Variants in XPNPEP3 observed in about 807,000 individuals in gnomAD.
XPNPEP3 encodes the protein xaa-Pro aminopeptidase 3.
In XPNPEP3, 41 loss-of-function variants were observed where a neutral mutation model predicts 60.0. That is an observed-to-expected ratio of 0.68 (90% confidence interval 0.53 to 0.89). The LOEUF is 0.89. Ranked by LOEUF, XPNPEP3 falls within the 40% of genes least tolerant of loss-of-function variation. The pLI, the probability that XPNPEP3 is intolerant of heterozygous loss-of-function variation, is 0.00. For synonymous variants in XPNPEP3, 212 were observed against 223.2 expected, an observed-to-expected ratio of 0.95 and a Z score of 0.45; for missense variants, 598 against 638.9, an observed-to-expected ratio of 0.94 and a Z score of 0.69.
Position 40,923,859 on chromosome 22 carries a change from A to G in XPNPEP3, c.1237-503A>G, listed in dbSNP as rs181985401. On this transcript the variant is annotated intron_variant, in intron 8 of 9. Transcript: ENST00000357137. Reference sequence around the variant, plus strand: ...AGAGCAAGACTCCATCTCAAAAAAAAAGAAAGAAATACCCAAGCTGGTAGG... The same window carrying G: ...AGAGCAAGACTCCATCTCAAAAAAAGAGAAAGAAATACCCAAGCTGGTAGG... 5.1e-4 allele frequency among the ~76,000 whole-genome samples: 77 copies of G among 152,180 alleles called. 1 individual carries two copies. The East Asian group carries it at 0.011, about 23-fold the overall frequency.
chr22:40,871,816 C>T (rs1239445776), intron 2 of XPNPEP3, among the ~76,000 whole-genome samples: 1 of 151,996 alleles, frequency 6.6e-6, no homozygotes, highest in African/African-American at 2.4e-5. Flanking sequence ...GGATGGATCA[C>T]GAGGTCAGGA....
chr22:40,885,036 A>AG (rs1569021062), intron 3 of XPNPEP3, among the ~76,000 whole-genome samples: 1 of 152,110 alleles, frequency 6.6e-6, no homozygotes, highest in African/African-American at 2.4e-5. Context: ...TCAAAAAAAA[A>AG]AAAAATTACA....
intron 7 of XPNPEP3, among the ~76,000 whole-genome samples, chr22:40,918,640 C>T (rs564438135): frequency 6.6e-6 from 1 of 151,752 alleles, no homozygotes; most frequent in South Asian, 2.1e-4. Flanking sequence ...GCCGAGATCA[C>T]ACCACTGTAC....
chr22:40,924,426 C>G lies in XPNPEP3; in HGVS notation c.1301C>G (p.Pro434Arg), dbSNP rs776244371. 1.2e-6 allele frequency: 2 copies of G among 1,614,184 alleles called. No individual in the cohort carries two copies. The highest frequency in any genetic ancestry group is 8.5e-7 in the Non-Finnish European group (1 of 1,180,036). The change falls in exon 9 of 10, where the codon CCA (proline) becomes CGA (arginine). Residue 434 changes from proline (P) to arginine (R), a missense_variant. Transcript: ENST00000357137. ...HYLGMDVHDT[P>R]DMPRSLPLQP... Reference sequence around the variant, plus strand: ...CTCGGGATGGATGTCCATGACACTCCAGACATGCCCCGTTCCCTCCCTCTG... The same window carrying G: ...CTCGGGATGGATGTCCATGACACTCGAGACATGCCCCGTTCCCTCCCTCTG...
At chr22:40,876,801 C>A (rs1377449750) in intron 2 of XPNPEP3, among the ~76,000 whole-genome samples, 2 of 152,180 alleles carry the variant, frequency 1.3e-5, no homozygotes, top group Non-Finnish European at 2.9e-5. Context: ...TTTCTCCTTA[C>A]ATTTTTTATA....
intron 4 of XPNPEP3, among the ~76,000 whole-genome samples, chr22:40,901,096 TAAA>T (rs1279544140): frequency 6.6e-6 from 1 of 150,818 alleles, no homozygotes; most frequent in African/African-American, 2.4e-5. Flanking sequence ...CTCTTTTTAT[TAAA>T]AAAAAAGAAT....
chr22:40,861,278 C>T (rs1453175502), intron 1 of XPNPEP3: 2 of 1,613,986 alleles, frequency 1.2e-6, no homozygotes, highest in African/African-American at 2.7e-5. Context: ...ACTGTGTTCT[C>T]CAGCTGCATT....
rs184879323 is a variant in XPNPEP3, at chr22:40,928,583, G to A, written c.*2148G>A. ...TCAGTTTGCAAGATGAACAGGGCTA[G>A]ATTACCACAGATAGCTTATTTAGGA... On this transcript the variant is annotated 3_prime_UTR_variant, in exon 10 of 10. Coordinates refer to ENST00000357137, the MANE Select transcript of XPNPEP3 (RefSeq NM_022098.4). 1 of 152,306 alleles carries A rather than the reference G, an allele frequency of 6.6e-6. No individual in the cohort carries two copies. Among genetic ancestry groups the A allele is most frequent in the East Asian group, 1.9e-4 (1 of 5,184 alleles). The allele number at this position is 152,306 out of a possible 1,614,324, so 9.4% of individuals were successfully genotyped here. A position where few individuals can be genotyped will look rare whatever the true frequency, so the allele number is the denominator to read the frequency against.
Position 40,907,648 on chromosome 22 carries a change from A to G in XPNPEP3, c.854A>G (p.Lys285Arg), listed in dbSNP as rs750683625. 11 of 1,613,726 alleles carry G rather than the reference A, an allele frequency of 6.8e-6. No individual in the cohort carries two copies. In the South Asian group the frequency reaches 1.2e-4, roughly 18 times the overall value. The change falls in exon 5 of 10, where the codon AAG (lysine) becomes AGG (arginine). Residue 285 changes from lysine to arginine, a missense_variant and splice_region_variant. By Grantham distance (26) the Lys-to-Arg change is conservative. Transcript: ENST00000357137. ...GTGGAAGAAGCCTTTCTTTATGCTA[A>G]GGTGAGATTCAGATGGTTAGCTTCA... Reference protein sequence around the residue: ...APVEEAFLYAKFEFECRARGA... With the variant: ...APVEEAFLYARFEFECRARGA...
intron 4 of XPNPEP3, among the ~76,000 whole-genome samples, chr22:40,902,071 C>CTTTTTTTTTTTTTTTT: frequency 7.8e-6 from 1 of 127,612 alleles, no homozygotes; most frequent in Non-Finnish European, 1.6e-5. Context: ...ACTTTTCCTT[C>CTTTTTTTTTTTTTTTT]TTTTTTTTTT....
chr22:40,892,251 C>T (rs1031112429), intron 4 of XPNPEP3, among the ~76,000 whole-genome samples: 1 of 152,110 alleles, frequency 6.6e-6, no homozygotes, highest in African/African-American at 2.4e-5. Context: ...GTGGCACAGT[C>T]TCGGCTCACT....
intron 4 of XPNPEP3, among the ~76,000 whole-genome samples, chr22:40,887,188 T>C (rs1367629482): frequency 1.3e-5 from 2 of 152,100 alleles, no homozygotes; most frequent in Admixed American, 6.6e-5. Flanking sequence ...CAGTTTATTA[T>C]AGGAAAAGGG....
chr22:40,907,217 C>T (rs557043498), intron 4 of XPNPEP3: 16 of 457,694 alleles, frequency 3.5e-5, no homozygotes, highest in Middle Eastern at 3.5e-4. Context: ...GTCAGGAGAT[C>T]GAGACCATCC....
chr22:40,873,817 AAAATAAAT>A (rs747244476), intron 2 of XPNPEP3, among the ~76,000 whole-genome samples: 1 of 152,132 alleles, frequency 6.6e-6, no homozygotes, highest in African/African-American at 2.4e-5. Flanking sequence ...AAATAGAAAT[AAAATAAAT>A]AAATAAATAT....
intron 7 of XPNPEP3, among the ~76,000 whole-genome samples, chr22:40,920,116 C>T (rs950514750): frequency 6.6e-6 from 1 of 152,090 alleles, no homozygotes; most frequent in African/African-American, 2.4e-5. Context: ...GCCTGTAATC[C>T]TAGGACTTTG....
At chr22:40,919,281 G>A (rs2058207693) in intron 7 of XPNPEP3, among the ~76,000 whole-genome samples, 1 of 152,170 alleles carries the variant, frequency 6.6e-6, no homozygotes, top group African/African-American at 2.4e-5. Context: ...AAGGCCAGGT[G>A]CAGTGGCTCA....
chr22:40,884,504 G>GTT (rs550575062), intron 3 of XPNPEP3, among the ~76,000 whole-genome samples: 3 of 148,260 alleles, frequency 2.0e-5, no homozygotes, highest in African/African-American at 7.4e-5. Flanking sequence ...GAATTTTTCT[G>GTT]TTTTTTTTTA....
intron 1 of XPNPEP3, chr22:40,860,522 C>A: frequency 1.5e-6 from 1 of 660,936 alleles, no homozygotes; most frequent in Non-Finnish European, 2.2e-6. Context: ...TGTCTTGATA[C>A]ATTCTTGTCT....
chr22:40,861,780 C>A, intron 1 of XPNPEP3: 2 of 1,613,368 alleles, frequency 1.2e-6, no homozygotes, highest in South Asian at 2.2e-5. Flanking sequence ...TCCGTTTAAT[C>A]CTTCTGTGCC....
Sources: allele counts gnomAD v4.1 joint callset (sites outside exome capture counted in the v4.1 genomes callset), GRCh38; gene constraint gnomAD v4.1.1; transcripts MANE v1.5; gene names NCBI Gene and HGNC (gene_info 2026-07-23, HGNC 2026-07-21).